PADI6: variants seen among roughly 807,000 people sequenced by gnomAD.
PADI6 encodes the protein inactive protein-arginine deiminase type-6.
PADI6 carries 66 observed loss-of-function variants against 78.2 expected under a neutral mutation model. The observed-to-expected ratio is 0.84, with a 90% confidence interval of 0.69 to 1.04. The LOEUF (loss-of-function observed/expected upper bound fraction) is 1.04, where lower values mean the gene tolerates loss of function less well. PADI6 is among the 50% of genes least tolerant of loss of function. PADI6 has a pLI of 0.00. For missense variants in PADI6, 854 were observed against 866.1 expected (o/e 0.99, Z 0.18); for synonymous variants, 397 against 346.9 (o/e 1.14, Z -1.60).
At chr1:17,396,878 G>A (rs1265654791) in intron 13 of PADI6, among the ~76,000 whole-genome samples, 193 bp from the exon 14 acceptor site, 4 of 152,222 alleles carry the variant, frequency 2.6e-5, no homozygotes, top group Non-Finnish European at 4.4e-5. Flanking sequence ...GAGTTCTGGT[G>A]TAGACCCTGG....
intron 8 of PADI6, among the ~76,000 whole-genome samples, chr1:17,391,730 CACTT>C (rs2075186178): frequency 6.6e-6 from 1 of 152,218 alleles, no homozygotes; most frequent in African/African-American, 2.4e-5. Context: ...GCAGGAGACT[CACTT>C]GAACCCAGGA....
intron 3 of PADI6, 67 bp from the exon 4 acceptor site, chr1:17,379,853 A>G (rs931237693): frequency 7.0e-7 from 1 of 1,424,944 alleles, no homozygotes; most frequent in South Asian, 1.2e-5. Flanking sequence ...CACAGGAGAT[A>G]ACCTATAACT....
intron 6 of PADI6, among the ~76,000 whole-genome samples, chr1:17,384,859 C>T (rs1032017418): frequency 3.3e-5 from 5 of 152,206 alleles, no homozygotes; most frequent in Non-Finnish European, 5.9e-5. Context: ...AATGGGGAGG[C>T]ACAGTAAATC....
At chr1:17,385,623 AAG>A (rs1398703285) in intron 6 of PADI6, among the ~76,000 whole-genome samples, 2 of 152,196 alleles carry the variant, frequency 1.3e-5, no homozygotes, top group African/African-American at 2.4e-5. Context: ...AAGGTCGTCG[AAG>A]AGAGATCAAA....
rs754087683 is a variant in PADI6, at chr1:17,395,120, G to T, written c.1494+13G>T. On this transcript the variant is annotated intron_variant, in intron 12 of 15. Coordinates refer to ENST00000619609, the MANE Select transcript of PADI6 (RefSeq NM_207421.4). ...TGAGGGCAAAAAGGTCTGCTTTGGG[G>T]TCTGGAGAAGGGACATCTGACCCTT... 1.9e-6 allele frequency: 3 copies of T among 1,611,580 alleles called. No individual in the cohort carries two copies. The African/African-American group carries it at 4.0e-5, about 22-fold the overall frequency.
At chr1:17,398,073 T>G (rs1192191256) in intron 14 of PADI6, among the ~76,000 whole-genome samples, 1 of 152,196 alleles carries the variant, frequency 6.6e-6, no homozygotes, top group African/African-American at 2.4e-5. Context: ...AGGAGAAGCT[T>G]AGGCCCAGAG....
chr1:17,400,331 G>GA (rs2075288609), intron 15 of PADI6, among the ~76,000 whole-genome samples: 2 of 152,010 alleles, frequency 1.3e-5, no homozygotes, highest in South Asian at 2.1e-4. Flanking sequence ...CTTACATGGA[G>GA]AAACTGTCTT....
chr1:17,373,384 G>T (rs2074983081), intron 2 of PADI6, among the ~76,000 whole-genome samples, 151 bp downstream of exon 2: 1 of 152,144 alleles, frequency 6.6e-6, no homozygotes, highest in South Asian at 2.1e-4. Flanking sequence ...ACAGACCAGT[G>T]GTGTGGGCAC....
chr1:17,392,688 T>C (rs7545226), intron 9 of PADI6, among the ~76,000 whole-genome samples: 91,419 of 152,136 alleles, frequency 0.6, 27,722 homozygotes, highest in South Asian at 0.67. Context: ...TGCTGTCCCA[T>C]GTTAGCAAGG....
intron 3 of PADI6, among the ~76,000 whole-genome samples, chr1:17,379,412 C>T (rs1557597848): frequency 6.9e-6 from 1 of 143,996 alleles, no homozygotes; most frequent in Non-Finnish European, 1.5e-5. Flanking sequence ...TCGCGCCCGG[C>T]CGCCCAGTTA....
chr1:17,382,200 T>TTGCTGGG, intron 6 of PADI6, 108 bp downstream of exon 6: 1 of 1,372,032 alleles, frequency 7.3e-7, no homozygotes, highest in South Asian at 1.4e-5. Flanking sequence ...GCTGGAGACC[T>TTGCTGGG]AGAGCTGCAG....
chr1:17,380,222 T>A (rs1311118422), intron 4 of PADI6, among the ~76,000 whole-genome samples: 3 of 152,228 alleles, frequency 2.0e-5, no homozygotes, highest in East Asian at 1.9e-4. Context: ...GTTTTTGATG[T>A]TGTTTTTGAT....
intron 8 of PADI6, among the ~76,000 whole-genome samples, chr1:17,391,626 C>G (rs2075184871): frequency 6.6e-6 from 1 of 152,172 alleles, no homozygotes; most frequent in African/African-American, 2.4e-5. Context: ...GCTTGAAGAC[C>G]CCAGGGCTCA....
At chr1:17,395,783 G>T in intron 13 of PADI6, 120 bp downstream of exon 13, 2 of 1,316,592 alleles carry the variant, frequency 1.5e-6, no homozygotes, top group South Asian at 1.6e-5. Flanking sequence ...AGAAGCTGTT[G>T]GAATTGCCAT....
In PADI6 at chr1:17,394,023, T is replaced by C; in HGVS notation, c.1123T>C (p.Leu375=). ...CCAGGCTCCCCACAAGACAACGTCCTTGATCCTCGACACACCTCAGGCCGC... is the reference window on the plus strand; with the variant it reads ...CCAGGCTCCCCACAAGACAACGTCCCTGATCCTCGACACACCTCAGGCCGC... ...YTQAPHKTTS[L]ILDTPQAADL... The change falls in exon 10 of 16, where the codon TTG becomes CTG. Residue 375 remains leucine (L), a synonymous_variant. Transcript: ENST00000619609. The C allele has an allele frequency of 1.9e-6, 3 of 1,613,954 alleles. No homozygotes were observed. The highest frequency in any genetic ancestry group is 2.5e-6 in the Non-Finnish European group (3 of 1,179,876).
intron 14 of PADI6, among the ~76,000 whole-genome samples, 186 bp downstream of exon 14, chr1:17,397,327 T>G (rs2075256880): frequency 6.6e-6 from 1 of 152,108 alleles, no homozygotes; most frequent in African/African-American, 2.4e-5. Flanking sequence ...TATGCCAATG[T>G]AGGGAGACTA....
rs2075152524 is a variant in PADI6, at chr1:17,388,758, G to A, written c.859-19G>A. The A allele has an allele frequency of 6.2e-7, 1 of 1,604,692 alleles. No individual in the cohort carries two copies. Among genetic ancestry groups the A allele is most frequent in the African/African-American group, 1.3e-5 (1 of 74,760 alleles). ...TAAATGTGGAAGCAGGTTGCTAACA[G>A]GACCTTGTCTTGTTGCAGTCAATTC... On this transcript the variant is annotated intron_variant, in intron 7 of 15. Transcript: ENST00000619609.
At chr1:17,397,579 G>A (rs1305069152) in intron 14 of PADI6, among the ~76,000 whole-genome samples, 1 of 152,148 alleles carries the variant, frequency 6.6e-6, no homozygotes, top group Non-Finnish European at 1.5e-5. Flanking sequence ...CCCCCAAGCT[G>A]GGAAAGCCCT....
intron 15 of PADI6, among the ~76,000 whole-genome samples, chr1:17,400,018 G>A (rs2075285596): frequency 6.7e-6 from 1 of 150,018 alleles, no homozygotes; most frequent in Non-Finnish European, 1.5e-5. Flanking sequence ...CTGGGCAACA[G>A]CAAGACTGTC....
Sources: allele counts gnomAD v4.1 joint callset (sites outside exome capture counted in the v4.1 genomes callset), GRCh38; gene constraint gnomAD v4.1.1; transcripts MANE v1.5; gene names NCBI Gene and HGNC (gene_info 2026-07-23, HGNC 2026-07-21).